PRF1: variants seen among roughly 807,000 people sequenced by gnomAD.
PRF1 encodes the protein perforin-1.
PRF1 carries 11 observed loss-of-function variants against 11.7 expected under a neutral mutation model. The ratio of observed to expected loss-of-function variants is 0.94; its 90% CI spans 0.59 to 1.56. The LOEUF (loss-of-function observed/expected upper bound fraction) is 1.56. PRF1 is among the 40% of genes most tolerant of loss of function. The probability of loss-of-function intolerance (pLI) is 0.00; values close to 1 mark genes in which losing one functional copy is unlikely to be tolerated. For missense variants in PRF1, 729 were observed against 751.0 expected (o/e 0.97, Z 0.34); for synonymous variants, 314 against 327.8 (o/e 0.96, Z 0.45).
chr10:70,598,420 G>A lies in PRF1; in HGVS notation c.1301C>T (p.Ala434Val). The change falls in exon 3 of 3, where the codon GCC becomes GTC. Residue 434 changes from alanine to valine, a missense_variant. Transcript: ENST00000441259. Reference protein sequence around the residue: ...AWGLWGDWFTATDAYVKLFFG... With the variant: ...AWGLWGDWFTVTDAYVKLFFG... ...GAAGAGCTTCACATAGGCATCCGTG[G>A]CAGTGAACCAGTCCCCCCACAGGCC... 6.2e-7 allele frequency: 1 copy of A among 1,613,976 alleles called. No individual in the cohort carries two copies. Among genetic ancestry groups the A allele is most frequent in the Non-Finnish European group, 8.5e-7 (1 of 1,180,032 alleles).
rs1257104780 is a variant in PRF1, at chr10:70,600,311, C to T, written c.539+53G>A. The T allele has an allele frequency of 2.7e-5, 43 of 1,607,958 alleles. No homozygotes were observed. The highest frequency in any genetic ancestry group is 3.6e-5 in the Non-Finnish European group (43 of 1,178,184). On this transcript the variant is annotated intron_variant, in intron 2 of 2. Transcript: ENST00000441259. The surrounding 1 kb of genome is among the most constrained non-coding windows in gnomAD (Gnocchi z 4.9). ...CTGCCTTTCCAGGGCTCCTAGACCA[C>T]CCAGAGTTTCCCGCGCCTTTTCCAG... is the stretch of plus-strand genomic sequence containing the variant.
Position 70,600,874 on chromosome 10 carries a change from A to G in PRF1, c.29T>C (p.Ile10Thr), listed in dbSNP as rs1848221679. 6.2e-7 allele frequency: 1 copy of G among 1,603,526 alleles called. No individual in the cohort carries two copies. The highest frequency in any genetic ancestry group is 1.7e-5 in the Admixed American group (1 of 57,808). Reference protein sequence around the residue: MAARLLLLGILLLLLPLPVP... With the variant: MAARLLLLGTLLLLLPLPVP... ...GGGCAGGGGCAGCAGCAGGAGAAGGATGCCCAGGAGGAGCAGACGGGCTGC... is the reference window on the plus strand; with the variant it reads ...GGGCAGGGGCAGCAGCAGGAGAAGGGTGCCCAGGAGGAGCAGACGGGCTGC... Residue 10 changes from isoleucine (I) to threonine (T), a missense_variant, in exon 2 of 3, where the codon ATC becomes ACC. By Grantham distance (89) the Ile-to-Thr change is moderately conservative. Coordinates refer to ENST00000441259, the MANE Select transcript of PRF1 (RefSeq NM_001083116.3). The surrounding 1 kb of genome is among the most constrained non-coding windows in gnomAD (Gnocchi z 4.9).
Position 70,600,547 on chromosome 10 carries a change from CG to C in PRF1, c.355del (p.Arg119GlyfsTer17). Reference sequence around the variant, plus strand: ...GTTGCGGATGCTACGAGCCGCATCCCGGGCCACAGCTTCAGTGGAGCTGACT... The same window carrying C: ...GTTGCGGATGCTACGAGCCGCATCCCGGCCACAGCTTCAGTGGAGCTGACT... ...AKVSSTEAVA[R>X]DAARSIRNDW... On this transcript the variant is annotated frameshift_variant, in exon 2 of 3. Transcript: ENST00000441259. LOFTEE classifies it high-confidence loss of function. This position sits in a 1 kb window ranked among gnomAD's most constrained non-coding sequence, Gnocchi z 4.9. 6.2e-7 allele frequency: 1 copy of C among 1,614,124 alleles called. No individual in the cohort carries two copies.
intron 2 of PRF1, among the ~76,000 whole-genome samples, chr10:70,599,502 C>A (rs999194597): frequency 1.3e-5 from 2 of 152,154 alleles, no homozygotes; most frequent in African/African-American, 4.8e-5. Flanking sequence ...GTAACCCCAG[C>A]ACTTTGGGAG....
chr10:70,598,974 G>A lies in PRF1; in HGVS notation c.747C>T (p.Leu249=), dbSNP rs1238396803. The A allele has an allele frequency of 6.2e-7, 1 of 1,614,092 alleles. No homozygotes were observed. The highest frequency in any genetic ancestry group is 8.5e-7 in the Non-Finnish European group (1 of 1,180,046). Residue 249 remains leucine, a synonymous_variant, in exon 3 of 3, where the codon CTC becomes CTT. Coordinates refer to ENST00000441259, the MANE Select transcript of PRF1 (RefSeq NM_001083116.3). ...GGCAGTCCTCCACCTCGTTGTCCGT[G>A]AGCCCTTCCAGGGCCAGCTCGCAGG... is the stretch of plus-strand genomic sequence containing the variant. ...LRTCELALEG[L]TDNEVEDCLT...
At position 70,599,114 on chromosome 10, in the gene PRF1, G is replaced by A. The variant is rs1472085595; in HGVS notation, c.607C>T (p.His203Tyr). ...FKRALGDLPH[H>Y]FNASTQPAYL... ...GCGGGCTGGGTGGAGGCGTTGAAGT[G>A]GTGGGGCAGGTCCCCGAGGGCCCTC... Residue 203 changes from histidine (H) to tyrosine (Y), a missense_variant, in exon 3 of 3, where the codon CAC (histidine) becomes TAC (tyrosine). Coordinates refer to ENST00000441259, the MANE Select transcript of PRF1 (RefSeq NM_001083116.3). 4.3e-6 allele frequency: 7 copies of A among 1,614,164 alleles called. No individual in the cohort carries two copies. Among genetic ancestry groups the A allele is most frequent in the Non-Finnish European group, 5.9e-6 (7 of 1,180,016 alleles).
In PRF1 at chr10:70,598,836, G is replaced by C. The variant is rs757011029; in HGVS notation, c.885C>G (p.Thr295=). 5 of 1,614,250 alleles carry C rather than the reference G, an allele frequency of 3.1e-6. No individual in the cohort carries two copies. The highest frequency in any genetic ancestry group is 4.2e-6 in the Non-Finnish European group (5 of 1,180,046). Reference sequence around the variant, plus strand: ...CCACTTCCGAGTGGCGCTCCCGGTAGGTTTGGTGGAAGGAGGCCGTCATCT... The same window carrying C: ...CCACTTCCGAGTGGCGCTCCCGGTACGTTTGGTGGAAGGAGGCCGTCATCT... ...KHKMTASFHQ[T]YRERHSEVVG... is the part of the protein sequence containing the mutation. The change falls in exon 3 of 3, where the codon ACC becomes ACG. Residue 295 remains threonine, a synonymous_variant. Transcript: ENST00000441259.
intron 1 of PRF1, among the ~76,000 whole-genome samples, chr10:70,601,840 A>AAAAAAAAAAAAGAAAAAAAAAAAAAAG (rs55649452): frequency 1.0e-5 from 1 of 97,762 alleles, no homozygotes; most frequent in African/African-American, 3.9e-5. Context: ...AAAAAAAAAA[A>AAAAAAAAAAAAGAAAAAAAAAAAAAAG]AAAAAGGGGC....
rs1848154937 is a variant in PRF1 at position 70,598,193 on chromosome 10, A to G, written c.1528T>C (p.Cys510Arg). ...TTTAGGTGGCCATGATTCAGGTTGC[A>G]TCTCACCTCATGGGAACCAGACTTG... The part of the protein sequence containing the change: ...APKSGSHEVR[C>R]NLNHGHLKFR... The change falls in exon 3 of 3, where the codon TGC becomes CGC. Residue 510 changes from cysteine to arginine, a missense_variant. Transcript: ENST00000441259. 4 of 1,614,138 alleles carry G rather than the reference A, an allele frequency of 2.5e-6. No homozygotes were observed. The South Asian group carries it at 3.3e-5, about 13-fold the overall frequency.
intron 2 of PRF1, among the ~76,000 whole-genome samples, chr10:70,599,767 C>T (rs1236385279): frequency 6.6e-6 from 1 of 152,156 alleles, no homozygotes; most frequent in Non-Finnish European, 1.5e-5. Context: ...AAACGTGGCC[C>T]CCAGGTCTGA....
At chr10:70,601,840 A>AAAAAAAAAAGCGAAAGAAAAAAAAG (rs55649452) in intron 1 of PRF1, among the ~76,000 whole-genome samples, 1 of 97,764 alleles carries the variant, frequency 1.0e-5, no homozygotes, top group Non-Finnish European at 1.9e-5. Flanking sequence ...AAAAAAAAAA[A>AAAAAAAAAAGCGAAAGAAAAAAAAG]AAAAAGGGGC....
Position 70,598,397 on chromosome 10 carries a change from A to G in PRF1, c.1324T>C (p.Phe442Leu), listed in dbSNP as rs1279358826. 1.2e-6 allele frequency: 2 copies of G among 1,613,994 alleles called. No homozygotes were observed. Among genetic ancestry groups the G allele is most frequent in the Non-Finnish European group, 1.7e-6 (2 of 1,180,028 alleles). The change falls in exon 3 of 3, where the codon TTC becomes CTC. Residue 442 changes from phenylalanine to leucine, a missense_variant. Physicochemically the swap from Phe to Leu is conservative, Grantham distance 22. Transcript: ENST00000441259. The stretch of plus-strand genomic sequence containing the variant: ...GTCCTCAGCTCCTGGCCACCAAAGA[A>G]GAGCTTCACATAGGCATCCGTGGCA... ...FTATDAYVKL[F>L]FGGQELRTST...
chr10:70,597,946 C>A lies in PRF1; in HGVS notation c.*107G>T. ...AAGCCATCCTGGGCCGCATGCGGGC[C>A]TCGGGTTGGACAAGCTTGGTCTAAT... On this transcript the variant is annotated 3_prime_UTR_variant, in exon 3 of 3. Transcript: ENST00000441259. 1 of 1,462,506 alleles carries A rather than the reference C, an allele frequency of 6.8e-7. No individual in the cohort carries two copies. The highest frequency in any genetic ancestry group is 9.3e-7 in the Non-Finnish European group (1 of 1,069,630). 90.6% of individuals were successfully genotyped at this position (1,462,506 alleles called of 1,614,324 possible). A position where few individuals can be genotyped will look rare whatever the true frequency, so the allele number is the denominator to read the frequency against.
rs755282048 is a variant in PRF1 at position 70,599,169 on chromosome 10, T to A, written c.552A>T (p.Val184=). ...AGTCAGGGTGCAGCGGGGGAGTGTG[T>A]ACCACATGGAAACTGCGAGAAGAGA... ...VECRFYSFHV[V]HTPPLHPDFK... The change falls in exon 3 of 3, where the codon GTA becomes GTT. Residue 184 remains valine (V), a synonymous_variant. Transcript: ENST00000441259. 6.2e-7 allele frequency: 1 copy of A among 1,614,138 alleles called. No homozygotes were observed. Among genetic ancestry groups the A allele is most frequent in the Non-Finnish European group, 8.5e-7 (1 of 1,180,016 alleles).
chr10:70,599,225 C>G (rs761693017), intron 2 of PRF1, 44 bp from the exon 3 acceptor site: 1 of 1,608,346 alleles, frequency 6.2e-7, no homozygotes, highest in Admixed American at 1.7e-5. Context: ...GGGAGTATTT[C>G]CCCCATTCAA....
rs777261222 is a variant in PRF1 at position 70,599,028 on chromosome 10, G to A, written c.693C>T (p.Gly231=). The change falls in exon 3 of 3, where the codon GGC becomes GGT. Residue 231 remains glycine (G), a synonymous_variant. Transcript: ENST00000441259. ...GCAGGGCAGTGAGGGCCGATATGCG[G>A]CCACCCAGCTCCACAGCCCGGATGA... ...THFIRAVELG[G]RISALTALRT... is the part of the protein sequence containing the mutation. 6.8e-5 allele frequency: 109 copies of A among 1,613,614 alleles called. No individual in the cohort carries two copies. Among genetic ancestry groups the A allele is most frequent in the Non-Finnish European group, 9.2e-5 (108 of 1,179,590 alleles).
chr10:70,600,235 G>A lies in PRF1; in HGVS notation c.539+129C>T, dbSNP rs1848199802. 2 of 1,490,422 alleles carry A rather than the reference G, an allele frequency of 1.3e-6. No homozygotes were observed. The highest frequency in any genetic ancestry group is 1.3e-5 in the South Asian group (1 of 77,124). 92.3% of individuals were successfully genotyped at this position (1,490,422 alleles called of 1,614,324 possible). On this transcript the variant is annotated intron_variant, in intron 2 of 2. Coordinates refer to ENST00000441259, the MANE Select transcript of PRF1 (RefSeq NM_001083116.3). This position sits in a 1 kb window ranked among gnomAD's most constrained non-coding sequence, Gnocchi z 4.9. The stretch of plus-strand genomic sequence containing the variant: ...GAATCACCTGAAGTCTGAGAGCCAG[G>A]ATTGCAGTTTCTTCCTGGTGGAAGC...
In PRF1 at chr10:70,600,598, C is replaced by A. The variant is rs760130891; in HGVS notation, c.305G>T (p.Cys102Phe). 1.2e-6 allele frequency: 2 copies of A among 1,613,546 alleles called. No individual in the cohort carries two copies. Among genetic ancestry groups the A allele is most frequent in the East Asian group, 4.5e-5 (2 of 44,870 alleles). The stretch of plus-strand genomic sequence containing the variant: ...TTTGGCCCTGGTTACATGGCGCTGG[C>A]AGCCAGAGCCCTGGGCCCGCCAGTT... ...LTNWRAQGSGCQRHVTRAKVS... is the reference protein window; with the variant it reads ...LTNWRAQGSGFQRHVTRAKVS... The change falls in exon 2 of 3, where the codon TGC becomes TTC. Residue 102 changes from cysteine (C) to phenylalanine (F), a missense_variant. By Grantham distance (205) the Cys-to-Phe change is radical. Transcript: ENST00000441259. This position sits in a 1 kb window ranked among gnomAD's most constrained non-coding sequence, Gnocchi z 4.9.
intron 2 of PRF1, among the ~76,000 whole-genome samples, chr10:70,599,738 C>G (rs1412694765): frequency 6.6e-6 from 1 of 152,252 alleles, no homozygotes; most frequent in East Asian, 1.9e-4. Context: ...TTGGGCCATG[C>G]TCGGCCTCTC....
Sources: allele counts gnomAD v4.1 joint callset (sites outside exome capture counted in the v4.1 genomes callset), GRCh38; gene constraint gnomAD v4.1.1; non-coding constraint Gnocchi (gnomAD v3.1); transcripts MANE v1.5; gene names NCBI Gene and HGNC (gene_info 2026-07-23, HGNC 2026-07-21).